Variants in STON2 observed in about 807,000 individuals in gnomAD.
The protein encoded by STON2 is stonin-2.
In STON2, 29 loss-of-function variants were observed where a neutral mutation model predicts 65.7. The ratio of observed to expected loss-of-function variants is 0.44; its 90% CI spans 0.33 to 0.60. The LOEUF (loss-of-function observed/expected upper bound fraction) is 0.60. Ranked by LOEUF, STON2 falls within the 20% of genes least tolerant of loss-of-function variation. STON2 has a pLI of 0.03. For missense variants in STON2, 1,054 were observed against 1,118.1 expected (o/e 0.94, Z 0.82); for synonymous variants, 404 against 414.2 (o/e 0.98, Z 0.30).
At chr14:81,296,536 T>C (rs1463039397) in intron 5 of STON2, among the ~76,000 whole-genome samples, 2 of 152,192 alleles carry the variant, frequency 1.3e-5, no homozygotes, top group African/African-American at 4.8e-5. Context: ...CGAACCCCCT[T>C]TGCAGCTAGA....
At chr14:81,434,608 G>T (rs1902341623) in intron 1 of STON2, among the ~76,000 whole-genome samples, 1 of 152,112 alleles carries the variant, frequency 6.6e-6, no homozygotes, top group East Asian at 1.9e-4. Context: ...ATGGGTTGGG[G>T]GATAGGGGGT....
chr14:81,393,405 G>GAGCAGC (rs112592030), intron 3 of STON2, among the ~76,000 whole-genome samples: 3 of 151,976 alleles, frequency 2.0e-5, no homozygotes, highest in South Asian at 2.1e-4. Flanking sequence ...GAGGATACTA[G>GAGCAGC]AGCAGCAGCA....
chr14:81,400,942 T>C (rs1026608696), upstream of STON2, among the ~76,000 whole-genome samples: 99 of 152,334 alleles, frequency 6.5e-4, no homozygotes, highest in African/African-American at 2.3e-3. Context: ...CTGGATGTAA[T>C]AAACCCTCTG....
At chr14:81,272,493 C>G (rs889224739) in intron 6 of STON2, among the ~76,000 whole-genome samples, 3 of 152,186 alleles carry the variant, frequency 2.0e-5, no homozygotes, top group Non-Finnish European at 4.4e-5. Flanking sequence ...CTTTATTGGT[C>G]TGGCTAGGAC....
chr14:81,346,107 G>A (rs1374824169), intron 4 of STON2, among the ~76,000 whole-genome samples: 1 of 152,098 alleles, frequency 6.6e-6, no homozygotes, highest in African/African-American at 2.4e-5. Context: ...ATGATGTTTC[G>A]TCCCTTTGAC....
chr14:81,356,025 C>T lies in STON2; in HGVS notation c.571+14963G>A, dbSNP rs1300841062. On this transcript the variant is annotated intron_variant, in intron 4 of 7. Coordinates refer to ENST00000614646, the MANE Select transcript of STON2 (RefSeq NM_001394390.1). Reference sequence around the variant, plus strand: ...TCCTTCTCCTGCCTAATTGCCCTGGCCAGAACTTCCAACACTATGTTGAAT... The same window carrying T: ...TCCTTCTCCTGCCTAATTGCCCTGGTCAGAACTTCCAACACTATGTTGAAT... Among the ~76,000 whole-genome samples the T allele has an allele frequency of 3.3e-5, 5 of 152,124 alleles. No individual in the cohort carries two copies. The East Asian group carries it at 7.7e-4, about 23-fold the overall frequency.
intron 3 of STON2, among the ~76,000 whole-genome samples, chr14:81,392,882 T>C (rs1468629653): frequency 2.0e-5 from 3 of 152,188 alleles, no homozygotes; most frequent in Admixed American, 6.5e-5. Context: ...TTACTGTGAG[T>C]AGACAATGGC....
At chr14:81,399,706 G>C (rs1900506217) in intron 1 of STON2, among the ~76,000 whole-genome samples, 1 of 152,174 alleles carries the variant, frequency 6.6e-6, no homozygotes, top group Non-Finnish European at 1.5e-5. Flanking sequence ...TAGCCATTTT[G>C]ATGAGTAGGA....
At chr14:81,376,767 T>C (rs574326318) in intron 3 of STON2, among the ~76,000 whole-genome samples, 12 of 152,258 alleles carry the variant, frequency 7.9e-5, no homozygotes, top group African/African-American at 2.9e-4. Context: ...CAAAGAGAAT[T>C]TAGTGATCTA....
Position 81,431,755 on chromosome 14 carries a change from C to G in STON2, c.-309-4543G>C, listed in dbSNP as rs189422918. Among the ~76,000 whole-genome samples the G allele has an allele frequency of 1.5e-3, 226 of 146,684 alleles. 1 individual carries two copies. The highest frequency in any genetic ancestry group is 5.4e-3 in the African/African-American group (213 of 39,648). On this transcript the variant is annotated intron_variant, in intron 1 of 8. Transcript: ENST00000553821. ...ATTGCGCACTGCACTCTAGGCTAGGCAACAACAGCGAAACTCTGTCTCAAA... is the reference window on the plus strand; with the variant it reads ...ATTGCGCACTGCACTCTAGGCTAGGGAACAACAGCGAAACTCTGTCTCAAA...
intron 5 of STON2, among the ~76,000 whole-genome samples, chr14:81,292,087 A>G (rs1263974844): frequency 6.6e-6 from 1 of 152,232 alleles, no homozygotes; most frequent in East Asian, 1.9e-4. Flanking sequence ...GACAATGGTA[A>G]CAGCCTATCT....
chr14:81,423,272 A>C (rs539130731), intron 2 of STON2, among the ~76,000 whole-genome samples: 7 of 152,282 alleles, frequency 4.6e-5, no homozygotes, highest in Middle Eastern at 3.4e-3. Context: ...CTTAGCCTTT[A>C]AACAAAAAAT....
chr14:81,280,589 C>T (rs1895064461), intron 5 of STON2, among the ~76,000 whole-genome samples: 1 of 152,188 alleles, frequency 6.6e-6, no homozygotes, highest in African/African-American at 2.4e-5. Flanking sequence ...CATCCAACCA[C>T]ACCCATCAGC....
At chr14:81,306,173 A>C (rs201338666) in intron 5 of STON2, among the ~76,000 whole-genome samples, 15,614 of 93,008 alleles carry the variant, frequency 0.17, 1,055 homozygotes, top group East Asian at 0.25. Flanking sequence ...CTCTCTATAT[A>C]TATATATATA....
At position 81,277,044 on chromosome 14, in the gene STON2, T is replaced by C; in HGVS notation, c.2438A>G (p.Lys813Arg). 6.2e-7 allele frequency: 1 copy of C among 1,614,228 alleles called. No homozygotes were observed. The highest frequency in any genetic ancestry group is 8.5e-7 in the Non-Finnish European group (1 of 1,180,046). Residue 813 changes from lysine to arginine, a missense_variant, in exon 6 of 8, where the codon AAA becomes AGA. By Grantham distance (26) the Lys-to-Arg change is conservative (BLOSUM62 2). Coordinates refer to ENST00000614646, the MANE Select transcript of STON2 (RefSeq NM_001394390.1). ...SVLGEKSLKA[K>R]VNRGASFGST... ...GCCAAAACTTGCCCCCCGGTTCACTTTGGCTTTCAAAGACTTTTCCCCCAG... is the reference window on the plus strand; with the variant it reads ...GCCAAAACTTGCCCCCCGGTTCACTCTGGCTTTCAAAGACTTTTCCCCCAG...
intron 4 of STON2, among the ~76,000 whole-genome samples, chr14:81,361,926 T>G (rs755384825): frequency 2.6e-5 from 4 of 152,000 alleles, no homozygotes; most frequent in African/African-American, 4.8e-5. Context: ...GAATGCAAAT[T>G]AAAACCACCA....
intron 5 of STON2, among the ~76,000 whole-genome samples, chr14:81,321,596 G>C (rs1219768446): frequency 6.6e-6 from 1 of 152,130 alleles, no homozygotes; most frequent in Non-Finnish European, 1.5e-5. Flanking sequence ...AAAGGACTAA[G>C]CAACAGAAGT....
chr14:81,278,237 G>T lies in STON2; in HGVS notation c.1245C>A (p.Ser415=), dbSNP rs762377392. 1.2e-6 allele frequency: 2 copies of T among 1,614,132 alleles called. No homozygotes were observed. Among genetic ancestry groups the T allele is most frequent in the South Asian group, 2.2e-5 (2 of 91,078 alleles). The part of the protein sequence containing the change: ...SSTTGKSQRD[S]LIVIYQDAIS... The stretch of plus-strand genomic sequence containing the variant: ...TGGCATCCTGGTAGATGACAATGAG[G>T]GAATCTCTTTGGCTTTTGCCCGTGG... Residue 415 remains serine (S), a synonymous_variant, in exon 6 of 8, where the codon TCC becomes TCA. Transcript: ENST00000614646.
intron 3 of STON2, among the ~76,000 whole-genome samples, chr14:81,388,722 A>AT (rs1899941340): frequency 6.6e-6 from 1 of 152,130 alleles, no homozygotes; most frequent in African/African-American, 2.4e-5. Context: ...TATTCTTTTG[A>AT]TTTTTACTCT....
Sources: allele counts gnomAD v4.1 joint callset (sites outside exome capture counted in the v4.1 genomes callset), GRCh38; gene constraint gnomAD v4.1.1; transcripts MANE v1.5; gene names NCBI Gene and HGNC (gene_info 2026-07-23, HGNC 2026-07-21).